Variants in PUM2 observed in about 807,000 individuals in gnomAD.
The protein encoded by PUM2 is pumilio RNA binding family member 2, also known as pumilio homolog 2.
In PUM2, 57 loss-of-function variants were observed where a neutral mutation model predicts 124.5. The observed-to-expected ratio is 0.46, with a 90% confidence interval of 0.37 to 0.57. The LOEUF (loss-of-function observed/expected upper bound fraction) is 0.57. PUM2 is among the 20% of genes least tolerant of loss of function. The pLI, the probability that PUM2 is intolerant of heterozygous loss-of-function variation, is 0.00. For synonymous variants in PUM2, 460 were observed against 446.1 expected (o/e 1.03, Z -0.39); for missense variants, 1,065 against 1,290.6 (o/e 0.83, Z 2.68).
At chr2:20,255,088 AGG>A (rs1353266879) in intron 18 of PUM2, 104 bp from the exon 19 acceptor site, 5 of 1,471,758 alleles carry the variant, frequency 3.4e-6, no homozygotes, top group Non-Finnish European at 3.7e-6. Flanking sequence ...TAGGATAGTT[AGG>A]AGAATACAAC....
At chr2:20,282,614 T>C (rs888629677) in intron 12 of PUM2, among the ~76,000 whole-genome samples, 3 of 152,218 alleles carry the variant, frequency 2.0e-5, no homozygotes, top group South Asian at 2.1e-4. Flanking sequence ...ACAAACATTA[T>C]GTAGTGAATG....
At chr2:20,253,677 A>G in intron 20 of PUM2, 145 bp downstream of exon 20, 8 of 747,114 alleles carry the variant, frequency 1.1e-5, no homozygotes, top group Non-Finnish European at 1.6e-5. Context: ...TGGAAACCAT[A>G]CCAATATATC....
chr2:20,256,022 C>A lies in PUM2; in HGVS notation c.2622+11G>T. 1 of 1,518,706 alleles carries A rather than the reference C, an allele frequency of 6.6e-7. No homozygotes were observed. Among genetic ancestry groups the A allele is most frequent in the East Asian group, 2.5e-5 (1 of 39,420 alleles). 94.1% of individuals were successfully genotyped at this position (1,518,706 alleles called of 1,614,324 possible). ...CCTGCTAACAAATTATAAGCCAAAA[C>A]TCAAACATACTTGTCCCTTGAAAGC... On this transcript the variant is annotated intron_variant, in intron 17 of 20. Transcript: ENST00000361078.
chr2:20,279,880 T>C (rs1292352432), intron 12 of PUM2, among the ~76,000 whole-genome samples: 1 of 152,140 alleles, frequency 6.6e-6, no homozygotes, highest in African/African-American at 2.4e-5. Flanking sequence ...TCCTTCCTAT[T>C]TCTAAGCACT....
At chr2:20,282,215 G>A (rs560813990) in intron 12 of PUM2, among the ~76,000 whole-genome samples, 67 of 152,282 alleles carry the variant, frequency 4.4e-4, no homozygotes, top group Non-Finnish European at 8.7e-4. Context: ...GTCAACGTGG[G>A]CCTCTTCTGA....
intron 14 of PUM2, among the ~76,000 whole-genome samples, chr2:20,260,987 G>T (rs1666057120): frequency 6.6e-6 from 1 of 152,148 alleles, no homozygotes; most frequent in Non-Finnish European, 1.5e-5. Context: ...GGTCCCATAA[G>T]ATTATAATGG....
Position 20,303,018 on chromosome 2 carries a change from G to A in PUM2, c.883+4960C>T, listed in dbSNP as rs184825638. Among the ~76,000 whole-genome samples, 118 of 152,188 alleles carry A rather than the reference G, an allele frequency of 7.8e-4. 1 individual carries two copies. Among genetic ancestry groups the A allele is most frequent in the Non-Finnish European group, 1.5e-3 (100 of 68,000 alleles). On this transcript the variant is annotated intron_variant, in intron 7 of 20. Coordinates refer to ENST00000361078, the MANE Select transcript of PUM2 (RefSeq NM_015317.5). ...AGCTGTGCATGCTGAGGACTTCCCA[G>A]GCCTCCCCTTTTCTTCCACCAATTA... is the stretch of plus-strand genomic sequence containing the variant.
At chr2:20,309,482 G>A (rs1679124950) in intron 5 of PUM2, among the ~76,000 whole-genome samples, 1 of 148,120 alleles carries the variant, frequency 6.8e-6, no homozygotes, top group South Asian at 2.1e-4. Context: ...TTTTCACAAG[G>A]AATTCATTAA....
chr2:20,258,270 T>A lies in PUM2; in HGVS notation c.2457A>T (p.Ala819=), dbSNP rs569311672. 6.2e-7 allele frequency: 1 copy of A among 1,607,842 alleles called. No homozygotes were observed. Among genetic ancestry groups the A allele is most frequent in the Non-Finnish European group, 8.5e-7 (1 of 1,175,972 alleles). Residue 819 remains alanine (A), a synonymous_variant, in exon 16 of 21, where the codon GCA becomes GCT. Transcript: ENST00000361078. ...GCTGGTCAGAAGAAATAGATTCTAA[T>A]GCTTTCTGAATAACGCGGCAGCCAT... The part of the protein sequence containing the change: ...QMYGCRVIQK[A]LESISSDQQS...
In PUM2 at chr2:20,276,144, A is replaced by AT. The variant is rs1397321242; in HGVS notation, c.1957+2438dup. Among the ~76,000 whole-genome samples, 18 of 152,196 alleles carry AT rather than the reference A, an allele frequency of 1.2e-4. No homozygotes were observed. In the South Asian group the frequency reaches 1.4e-3, roughly 12 times the overall value. On this transcript the variant is annotated intron_variant, in intron 13 of 20. Coordinates refer to ENST00000361078, the MANE Select transcript of PUM2 (RefSeq NM_015317.5). ...AAGTGTTTTAGATTTTTATAAAAAA[A>AT]TTAACACCCCAAAACTATGCACTGA...
intron 1 of PUM2, among the ~76,000 whole-genome samples, chr2:20,344,462 T>C (rs1385448516): frequency 6.6e-6 from 1 of 152,202 alleles, no homozygotes; most frequent in Non-Finnish European, 1.5e-5. Context: ...GACACCATGA[T>C]TGTCTATATC....
At chr2:20,257,530 T>C (rs1486037548) in intron 16 of PUM2, among the ~76,000 whole-genome samples, 1 of 152,170 alleles carries the variant, frequency 6.6e-6, no homozygotes, top group South Asian at 2.1e-4. Flanking sequence ...GCTATAAATT[T>C]CTTATTAAAA....
At chr2:20,277,362 C>T (rs1478859676) in intron 13 of PUM2, among the ~76,000 whole-genome samples, 1 of 151,992 alleles carries the variant, frequency 6.6e-6, no homozygotes, top group Non-Finnish European at 1.5e-5. Context: ...AGGTATTAGG[C>T]TAAAGATAGG....
chr2:20,257,038 C>T (rs1405063404), intron 16 of PUM2, among the ~76,000 whole-genome samples: 57 of 104,578 alleles, frequency 5.5e-4, no homozygotes, highest in African/African-American at 2.2e-3. Context: ...AGCAAGATTC[C>T]GTCTCAAAAA....
chr2:20,317,130 G>A (rs1001886083), intron 3 of PUM2, among the ~76,000 whole-genome samples: 10 of 152,100 alleles, frequency 6.6e-5, no homozygotes, highest in Middle Eastern at 3.4e-3. Flanking sequence ...CCAAAAGCTT[G>A]AGACTGCAGC....
At chr2:20,334,555 G>A (rs973831131) in intron 1 of PUM2, among the ~76,000 whole-genome samples, 4 of 151,978 alleles carry the variant, frequency 2.6e-5, no homozygotes, top group East Asian at 1.9e-4. Flanking sequence ...CTATGTAAAC[G>A]TTCAACATTT....
chr2:20,293,788 TG>T (rs1246713185), intron 9 of PUM2, among the ~76,000 whole-genome samples: 1 of 152,092 alleles, frequency 6.6e-6, no homozygotes, highest in Non-Finnish European at 1.5e-5. Flanking sequence ...AGCAATACCA[TG>T]GTGCTTCTTC....
intron 20 of PUM2, among the ~76,000 whole-genome samples, chr2:20,252,810 T>C (rs938020525): frequency 2.0e-5 from 3 of 152,212 alleles, no homozygotes; most frequent in African/African-American, 7.2e-5. Context: ...CCATGTATTA[T>C]GGTAAATTAA....
At chr2:20,293,617 TAA>T (rs1349953684) in intron 9 of PUM2, among the ~76,000 whole-genome samples, 1 of 151,974 alleles carries the variant, frequency 6.6e-6, no homozygotes, top group Non-Finnish European at 1.5e-5. Flanking sequence ...GACTGAGGTA[TAA>T]GAGTCACTTG....
Sources: allele counts gnomAD v4.1 joint callset (sites outside exome capture counted in the v4.1 genomes callset), GRCh38; gene constraint gnomAD v4.1.1; transcripts MANE v1.5; gene names NCBI Gene and HGNC (gene_info 2026-07-23, HGNC 2026-07-21).